MRLN: variants seen among roughly 807,000 people sequenced by gnomAD.
The protein encoded by MRLN is Linc-RNA activator of myogenesis.
chr10:59,743,216 C>A (rs1292738095), intron 1 of MRLN, among the ~76,000 whole-genome samples: 1 of 151,144 alleles, frequency 6.6e-6, no homozygotes, highest in Non-Finnish European at 1.5e-5. Flanking sequence ...CCCCGCCCCC[C>A]ACCACACCTT....
At chr10:59,744,017 C>A (rs750003783) in intron 1 of MRLN, among the ~76,000 whole-genome samples, 1 of 152,146 alleles carries the variant, frequency 6.6e-6, no homozygotes, top group Non-Finnish European at 1.5e-5. Flanking sequence ...TCGCTACAAC[C>A]GCCACCTCCC....
intron 1 of MRLN, among the ~76,000 whole-genome samples, chr10:59,743,721 G>A (rs1243826907): frequency 6.6e-6 from 1 of 152,078 alleles, no homozygotes; most frequent in African/African-American, 2.4e-5. Flanking sequence ...CCCAGCCGAG[G>A]CTGGACTGTA....
chr10:59,752,695 G>A (rs1158164012), intron 1 of MRLN, among the ~76,000 whole-genome samples: 2 of 152,192 alleles, frequency 1.3e-5, no homozygotes, highest in Admixed American at 6.5e-5. Flanking sequence ...AGAACCAAGC[G>A]GGGCATTGGC....
At chr10:59,746,364 G>T (rs576236615) in intron 1 of MRLN, among the ~76,000 whole-genome samples, 2 of 152,098 alleles carry the variant, frequency 1.3e-5, no homozygotes, top group Admixed American at 1.3e-4. Context: ...TGTGCCAGGC[G>T]CTGCTTATGC....
At chr10:59,749,357 G>A (rs1454032498) in intron 1 of MRLN, among the ~76,000 whole-genome samples, 1 of 152,202 alleles carries the variant, frequency 6.6e-6, no homozygotes, top group Non-Finnish European at 1.5e-5. Context: ...TGGCTCCAAT[G>A]CCCACGGCCT....
intron 1 of MRLN, among the ~76,000 whole-genome samples, chr10:59,750,782 T>C (rs1841094611): frequency 1.3e-5 from 2 of 152,366 alleles, no homozygotes; most frequent in South Asian, 4.1e-4. Context: ...TGTGCGAGGC[T>C]TCCTCAGAGA....
intron 1 of MRLN, among the ~76,000 whole-genome samples, chr10:59,740,823 G>T: frequency 6.9e-6 from 1 of 145,272 alleles, no homozygotes; most frequent in Non-Finnish European, 1.5e-5. Flanking sequence ...TTGAGACAGA[G>T]TCTCTCTCTT....
At position 59,751,747 on chromosome 10, in the gene MRLN, C is replaced by A. The variant is rs181674461; in HGVS notation, c.-125+1607G>T. Among the ~76,000 whole-genome samples, 588 of 150,910 alleles carry A rather than the reference C, an allele frequency of 3.9e-3. 5 individuals are homozygous for A. The highest frequency in any genetic ancestry group is 0.013 in the African/African-American group (534 of 41,052). On this transcript the variant is annotated intron_variant, in intron 1 of 2. Transcript: ENST00000414264. ...GTAAGCCCATTCTGACTTTTATAGA[C>A]CCCGTTTTAGGTTAGCACATGGTGT...
intron 2 of MRLN, chr10:59,738,254 G>A (rs1054557046): frequency 3.3e-5 from 5 of 152,176 alleles, no homozygotes; most frequent in Admixed American, 1.3e-4. Context: ...TCAGCAACAA[G>A]GAGCAAAAAT....
At chr10:59,745,081 T>C (rs967227857) in intron 1 of MRLN, among the ~76,000 whole-genome samples, 3 of 150,860 alleles carry the variant, frequency 2.0e-5, no homozygotes, top group Non-Finnish European at 3.0e-5. Flanking sequence ...TCCCCCTCTC[T>C]GAGAAACACC....
chr10:59,751,696 A>C (rs2132597275), intron 1 of MRLN, among the ~76,000 whole-genome samples: 1 of 147,302 alleles, frequency 6.8e-6, no homozygotes, highest in East Asian at 2.0e-4. Flanking sequence ...AAAAAGTGAT[A>C]CCCAAGGAGG....
intron 1 of MRLN, among the ~76,000 whole-genome samples, chr10:59,740,090 TAA>T (rs56394459): frequency 4.5e-4 from 63 of 139,836 alleles, no homozygotes; most frequent in East Asian, 3.1e-3. Flanking sequence ...GACTCCATCT[TAA>T]AAAAAAAAAA....
chr10:59,743,940 T>C (rs1841011825), intron 1 of MRLN, among the ~76,000 whole-genome samples: 1 of 152,234 alleles, frequency 6.6e-6, no homozygotes, highest in Non-Finnish European at 1.5e-5. Flanking sequence ...GCCGGGATTG[T>C]AGACGGAGTC....
intron 1 of MRLN, among the ~76,000 whole-genome samples, chr10:59,743,537 A>T (rs945080425): frequency 4.6e-5 from 7 of 152,130 alleles, no homozygotes; most frequent in Non-Finnish European, 1.0e-4. Flanking sequence ...CTGTTTCTAG[A>T]TCTAAATAAT....
At chr10:59,743,790 G>A (rs751980486) in intron 1 of MRLN, among the ~76,000 whole-genome samples, 8 of 152,082 alleles carry the variant, frequency 5.3e-5, no homozygotes, top group African/African-American at 1.7e-4. Flanking sequence ...TCAGCCTGCC[G>A]AGTGCCTGGG....
intron 1 of MRLN, among the ~76,000 whole-genome samples, chr10:59,742,696 T>G (rs1315121566): frequency 6.6e-6 from 1 of 151,718 alleles, no homozygotes; most frequent in African/African-American, 2.4e-5. Flanking sequence ...TTCCCTTTCT[T>G]TTCCTTCCTT....
chr10:59,748,827 C>T (rs1841068804), intron 1 of MRLN, among the ~76,000 whole-genome samples: 2 of 152,182 alleles, frequency 1.3e-5, no homozygotes, highest in Admixed American at 1.3e-4. Context: ...TCATCACCCT[C>T]CAACATCTTT....
At chr10:59,740,850 T>C (rs1433974778) in intron 1 of MRLN, among the ~76,000 whole-genome samples, 1 of 151,164 alleles carries the variant, frequency 6.6e-6, no homozygotes, top group African/African-American at 2.4e-5. Flanking sequence ...CAGGCTGGAG[T>C]GCAATGGCGC....
rs1840931154 is a variant in MRLN at position 59,736,986 on chromosome 10, C to A, written c.*74G>T. On this transcript the variant is annotated 3_prime_UTR_variant, in exon 3 of 3. Coordinates refer to ENST00000414264, the MANE Select transcript of MRLN (RefSeq NM_001304731.2). ...TGGCAATGTCATAAAATGTGAGTCA[C>A]TCAACAAGTTAAAATACAAATTTTT... 1 of 385,096 alleles carries A rather than the reference C, an allele frequency of 2.6e-6. No homozygotes were observed. Among genetic ancestry groups the A allele is most frequent in the South Asian group, 1.4e-4 (1 of 6,936 alleles). 23.9% of individuals were successfully genotyped at this position (385,096 alleles called of 1,614,324 possible).
Sources: gnomAD v4.1 joint callset for allele counts (sites outside exome capture counted in the v4.1 genomes callset) on GRCh38, gnomAD v4.1.1 for gene constraint, MANE v1.5 for transcripts, NCBI Gene and HGNC (gene_info 2026-07-23, HGNC 2026-07-21) for gene names.